Variants in TNRC6B observed in about 807,000 individuals in gnomAD.
TNRC6B encodes trinucleotide repeat containing adaptor 6B.
Under a neutral mutation model 203.6 loss-of-function variants are expected in TNRC6B, and 52 were observed. That is an observed-to-expected ratio of 0.26 (90% CI 0.20 to 0.32). TNRC6B has a LOEUF of 0.32. TNRC6B is among the 10% of genes least tolerant of loss of function. The pLI, the probability that TNRC6B is intolerant of heterozygous loss-of-function variation, is 1.00. For missense variants in TNRC6B, 1,923 were observed against 2,286.2 expected, an observed-to-expected ratio of 0.84 and a Z score of 3.24; for synonymous variants, 838 against 845.7, an observed-to-expected ratio of 0.99 and a Z score of 0.16.
At chr22:40,158,558 T>C (rs1485495308) in intron 4 of TNRC6B, among the ~76,000 whole-genome samples, 2 of 152,306 alleles carry the variant, frequency 1.3e-5, no homozygotes, top group East Asian at 3.9e-4. Flanking sequence ...ATTCAGGAAA[T>C]GTTGCTGGGC....
chr22:40,223,668 C>G (rs1033803865), intron 1 of TNRC6B, among the ~76,000 whole-genome samples: 2 of 152,048 alleles, frequency 1.3e-5, no homozygotes, highest in African/African-American at 4.8e-5. Flanking sequence ...TTAACCAGTC[C>G]CCTAATTGAT....
chr22:40,161,110 A>G (rs1260475999), intron 4 of TNRC6B, among the ~76,000 whole-genome samples: 1 of 152,188 alleles, frequency 6.6e-6, no homozygotes, highest in African/African-American at 2.4e-5. Context: ...TTTCATGCCA[A>G]CAAACTTTTT....
chr22:40,170,919 G>GTA (rs1371206031), intron 4 of TNRC6B, among the ~76,000 whole-genome samples: 1 of 141,190 alleles, frequency 7.1e-6, no homozygotes, highest in Non-Finnish European at 1.5e-5. Flanking sequence ...ATATATGTGT[G>GTA]TATATATACA....
chr22:40,143,742 C>T lies in TNRC6B; in HGVS notation c.46-12373C>T, dbSNP rs563416997. Among the ~76,000 whole-genome samples the T allele has an allele frequency of 3.9e-5, 6 of 152,294 alleles. No individual in the cohort carries two copies. In the South Asian group the frequency reaches 8.3e-4, roughly 21 times the overall value. On this transcript the variant is annotated intron_variant, in intron 3 of 23. Transcript: ENST00000301923. ...CGATCTCCTGACCTCGTGATCCGCC[C>T]GCCTTGGCCACCCAAAGTGTTGGGA... is the stretch of plus-strand genomic sequence containing the variant.
intron 21 of TNRC6B, among the ~76,000 whole-genome samples, chr22:40,318,987 G>A (rs772080065): frequency 2.5e-4 from 38 of 151,958 alleles, no homozygotes; most frequent in Non-Finnish European, 5.0e-4. Flanking sequence ...CAGGAGAATC[G>A]CTTGAACCCG....
chr22:40,197,087 A>C (rs2069346701), intron 1 of TNRC6B, among the ~76,000 whole-genome samples: 1 of 152,072 alleles, frequency 6.6e-6, no homozygotes, highest in Admixed American at 6.5e-5. Flanking sequence ...GTGATTTGCT[A>C]ATTGATTGGT....
At chr22:40,112,095 C>G (rs2068341322) in intron 1 of TNRC6B, among the ~76,000 whole-genome samples, 1 of 151,912 alleles carries the variant, frequency 6.6e-6, no homozygotes, top group Admixed American at 6.6e-5. Flanking sequence ...GTGAGACTCC[C>G]TCTCAAAAAA....
intron 12 of TNRC6B, among the ~76,000 whole-genome samples, chr22:40,299,537 C>A (rs2070994200): frequency 6.6e-6 from 1 of 152,226 alleles, no homozygotes; most frequent in Non-Finnish European, 1.5e-5. Flanking sequence ...CCACACCCAG[C>A]TCTAAAGTCT....
At chr22:40,193,278 A>G (rs2069297245) in intron 1 of TNRC6B, among the ~76,000 whole-genome samples, 1 of 152,188 alleles carries the variant, frequency 6.6e-6, no homozygotes, top group Admixed American at 6.5e-5. Flanking sequence ...GCGTCACCCC[A>G]GGACTTGCAC....
In TNRC6B at chr22:40,266,523, G is replaced by C; in HGVS notation, c.2293G>C (p.Ala765Pro). 6.2e-7 allele frequency: 1 copy of C among 1,613,806 alleles called. No individual in the cohort carries two copies. The highest frequency in any genetic ancestry group is 8.5e-7 in the Non-Finnish European group (1 of 1,179,786). Residue 765 changes from alanine (A) to proline (P), a missense_variant, in exon 5 of 23, where the codon GCA (alanine) becomes CCA (proline). Physicochemically the swap from Ala to Pro is conservative, Grantham distance 27 (BLOSUM62 -1). Around this residue, in one of 8 missense-constraint regions of TNRC6B, gnomAD observed 599 missense variants for 656.5 expected, o/e 0.91. Transcript: ENST00000454349. ...AAAAAACAGCAATTGGGAAAGTTCT[G>C]CAAGTAAACCTGTGTCTGGGTGGGG... is the stretch of plus-strand genomic sequence containing the variant. ...QTKNSNWESS[A>P]SKPVSGWGEG...
At chr22:40,060,550 C>T (rs1196469163) in intron 1 of TNRC6B, among the ~76,000 whole-genome samples, 1 of 152,144 alleles carries the variant, frequency 6.6e-6, no homozygotes, top group Non-Finnish European at 1.5e-5. Flanking sequence ...AAAGAATAGA[C>T]TTTGTGTTTC....
At position 40,332,832 on chromosome 22, in the gene TNRC6B, T is replaced by C. The variant is rs1421040015; in HGVS notation, c.*9591T>C. ...ATGAACATGTAAATAGCAGGATAACTTTAAAAAACATTTTCTTTGCTGTGA... is the reference window on the plus strand; with the variant it reads ...ATGAACATGTAAATAGCAGGATAACCTTAAAAAACATTTTCTTTGCTGTGA... On this transcript the variant is annotated 3_prime_UTR_variant, in exon 23 of 23. Transcript: ENST00000454349. 2.6e-5 allele frequency: 4 copies of C among 152,680 alleles called. No homozygotes were observed. In the East Asian group the frequency reaches 7.7e-4, roughly 29 times the overall value. The allele number at this position is 152,680 out of a possible 1,614,324, so 9.5% of individuals were successfully genotyped here. A position where few individuals can be genotyped will look rare whatever the true frequency, so the allele number is the denominator to read the frequency against.
upstream of TNRC6B, among the ~76,000 whole-genome samples, chr22:40,173,846 C>A (rs2069030326): frequency 1.8e-5 from 2 of 111,862 alleles, no homozygotes; most frequent in South Asian, 6.0e-4. Flanking sequence ...TTCTGTTGTC[C>A]AGGCTGGGGT....
At position 40,188,646 on chromosome 22, in the gene TNRC6B, C is replaced by T. The variant is rs576511832; in HGVS notation, c.5+10506C>T. ...TTGTTTCCTTTACCCCTCTGCTTACCGAAAATAATTGCTGTTCTTTTAATG... is the reference window on the plus strand; with the variant it reads ...TTGTTTCCTTTACCCCTCTGCTTACTGAAAATAATTGCTGTTCTTTTAATG... On this transcript the variant is annotated intron_variant, in intron 1 of 22. Transcript: ENST00000454349. Among the ~76,000 whole-genome samples the T allele has an allele frequency of 3.9e-5, 6 of 152,118 alleles. No homozygotes were observed. The South Asian group carries it at 8.3e-4, about 21-fold the overall frequency.
chr22:40,190,221 T>A (rs1468407938), intron 1 of TNRC6B, among the ~76,000 whole-genome samples: 1 of 152,234 alleles, frequency 6.6e-6, no homozygotes, highest in Non-Finnish European at 1.5e-5. Flanking sequence ...TTTAAAAAAT[T>A]ACTTTGTTCC....
At chr22:40,056,327 G>A (rs148426635) in intron 1 of TNRC6B, among the ~76,000 whole-genome samples, 8 of 152,334 alleles carry the variant, frequency 5.3e-5, no homozygotes, top group East Asian at 1.9e-4. Flanking sequence ...CGGTAATGCC[G>A]ATTTCTGCAA....
intron 18 of TNRC6B, 47 bp from the exon 19 acceptor site, chr22:40,312,855 A>G (rs1453806042): frequency 1.3e-6 from 2 of 1,562,604 alleles, no homozygotes; most frequent in Non-Finnish European, 1.8e-6. Flanking sequence ...CACTGGTTAT[A>G]CTGACATTTA....
intron 1 of TNRC6B, among the ~76,000 whole-genome samples, chr22:40,086,720 T>C (rs187295096): frequency 1.3e-5 from 2 of 152,346 alleles, no homozygotes; most frequent in East Asian, 3.9e-4. Context: ...TTTTTTCTTC[T>C]ATGAAATATG....
At chr22:40,107,171 C>G in intron 1 of TNRC6B, 1 of 537,468 alleles carries the variant, frequency 1.9e-6, no homozygotes. Context: ...TTTTTGTATC[C>G]TATTTAAGAA....
Sources: allele counts gnomAD v4.1 joint callset (sites outside exome capture counted in the v4.1 genomes callset), GRCh38; gene constraint gnomAD v4.1.1; regional missense constraint gnomAD v4.1.1; transcripts MANE v1.5; gene names NCBI Gene and HGNC (gene_info 2026-07-23, HGNC 2026-07-21).